The following ANKRD55 variants were observed in gnomAD, a reference collection of about 807,000 sequenced individuals.
ANKRD55 encodes ankyrin repeat domain-containing protein 55.
In ANKRD55, 41 loss-of-function variants were observed where a neutral mutation model predicts 60.6. That is an observed-to-expected ratio of 0.68 (90% CI 0.53 to 0.88). The LOEUF (loss-of-function observed/expected upper bound fraction) is 0.88, where lower values mean the gene tolerates loss of function less well. Ranked by LOEUF, ANKRD55 falls within the 40% of genes least tolerant of loss-of-function variation. ANKRD55 has a pLI of 0.00. For missense variants in ANKRD55, 732 were observed against 767.6 expected, an observed-to-expected ratio of 0.95 and a Z score of 0.55; for synonymous variants, 264 against 290.3, an observed-to-expected ratio of 0.91 and a Z score of 0.92.
intron 8 of ANKRD55, among the ~76,000 whole-genome samples, chr5:56,120,848 A>G (rs903968653): frequency 3.3e-5 from 5 of 151,486 alleles, no homozygotes; most frequent in Non-Finnish European, 5.9e-5. Flanking sequence ...GCAGTGAGCC[A>G]AGATCGCGCC....
chr5:56,159,291 A>T (rs921621030), intron 6 of ANKRD55, among the ~76,000 whole-genome samples: 2 of 152,174 alleles, frequency 1.3e-5, no homozygotes, highest in Non-Finnish European at 2.9e-5. Flanking sequence ...GAGAAACCCC[A>T]TCTCTACTAA....
At chr5:56,227,507 A>G (rs1471781563) in intron 2 of ANKRD55, among the ~76,000 whole-genome samples, 10 of 152,146 alleles carry the variant, frequency 6.6e-5, no homozygotes, top group Non-Finnish European at 7.4e-5. Context: ...AAAACAAACA[A>G]AAAAACCCCT....
chr5:56,101,298 G>T (rs1268486995), intron 11 of ANKRD55, among the ~76,000 whole-genome samples: 1 of 152,072 alleles, frequency 6.6e-6, no homozygotes, highest in African/African-American at 2.4e-5. Flanking sequence ...TATTGTTATG[G>T]ACGGTGAGGA....
intron 2 of ANKRD55, among the ~76,000 whole-genome samples, chr5:56,198,654 A>G (rs1581016028): frequency 6.6e-6 from 1 of 152,338 alleles, no homozygotes; most frequent in Admixed American, 6.5e-5. Flanking sequence ...AAAAACAAAA[A>G]AAACCAAAAC....
At chr5:56,135,268 C>T (rs60728986) in intron 7 of ANKRD55, among the ~76,000 whole-genome samples, 11,669 of 100,862 alleles carry the variant, frequency 0.12, 949 homozygotes, top group Middle Eastern at 0.17. Flanking sequence ...CCTTCTTTCC[C>T]TCCCTCCCTC....
At chr5:56,203,038 C>T (rs1332911716) in intron 2 of ANKRD55, among the ~76,000 whole-genome samples, 27 of 152,124 alleles carry the variant, frequency 1.8e-4, no homozygotes, top group Admixed American at 1.7e-3. Context: ...AGGCAATATA[C>T]ACATTTACTG....
intron 10 of ANKRD55, among the ~76,000 whole-genome samples, chr5:56,108,801 G>T (rs1227042732): frequency 2.6e-5 from 4 of 152,208 alleles, no homozygotes; most frequent in Non-Finnish European, 4.4e-5. Flanking sequence ...CATTTTGGGA[G>T]GCCGAGGCGG....
intron 2 of ANKRD55, among the ~76,000 whole-genome samples, chr5:56,223,982 C>A (rs184666093): frequency 1.0e-3 from 155 of 152,238 alleles, no homozygotes; most frequent in Non-Finnish European, 1.9e-3. Context: ...CTGCACCAAG[C>A]GGACCTAATA....
At position 56,111,583 on chromosome 5, in the gene ANKRD55, C is replaced by T. The variant is rs1366637605; in HGVS notation, c.1165G>A (p.Val389Met). ...NDIITTFDSIVGTNCQEQPGD... is the reference protein window; with the variant it reads ...NDIITTFDSIMGTNCQEQPGD... ...GGCTGTTCTTGGCAGTTGGTACCCA[C>T]GATGCTATCAAAGGTGGTGATGATG... is the stretch of plus-strand genomic sequence containing the variant. Residue 389 changes from valine to methionine, a missense_variant, in exon 10 of 12, where the codon GTG becomes ATG. Val to Met is a conservative substitution (Grantham distance 21). Around this residue, in one of 3 missense-constraint regions of ANKRD55, gnomAD observed 597 missense variants for 607.5 expected, o/e 0.98. Transcript: ENST00000341048. The T allele has an allele frequency of 1.2e-5, 19 of 1,606,952 alleles. No homozygotes were observed. The highest frequency in any genetic ancestry group is 1.5e-5 in the Non-Finnish European group (18 of 1,176,940).
chr5:56,125,698 G>C (rs1757227337), intron 8 of ANKRD55: 1 of 152,112 alleles, frequency 6.6e-6, no homozygotes. Context: ...AGAATTTCAG[G>C]TATTAATAGA....
chr5:56,100,036 G>A lies in ANKRD55; in HGVS notation c.*147C>T, dbSNP rs1329610112. The A allele has an allele frequency of 9.6e-7, 1 of 1,039,652 alleles. No individual in the cohort carries two copies. The highest frequency in any genetic ancestry group is 2.4e-5 in the East Asian group (1 of 41,354). The allele number at this position is 1,039,652 out of a possible 1,614,324, so 64.4% of individuals were successfully genotyped here. ...GCTTATTTAGGGAGTATCTTTATTT[G>A]GAATAAAGAATTTCGAGTTATAAAA... is the stretch of plus-strand genomic sequence containing the variant. On this transcript the variant is annotated 3_prime_UTR_variant, in exon 12 of 12. Coordinates refer to ENST00000341048, the MANE Select transcript of ANKRD55 (RefSeq NM_024669.3).
At chr5:56,165,736 C>G (rs1213991310) in intron 5 of ANKRD55, among the ~76,000 whole-genome samples, 1 of 152,088 alleles carries the variant, frequency 6.6e-6, no homozygotes, top group African/African-American at 2.4e-5. Flanking sequence ...TCGAGACCAG[C>G]CTGACCAACA....
At chr5:56,151,824 A>AAT (rs1758054326) in intron 6 of ANKRD55, among the ~76,000 whole-genome samples, 3 of 53,830 alleles carry the variant, frequency 5.6e-5, no homozygotes, top group South Asian at 4.9e-4. Flanking sequence ...GAAAAAAAAA[A>AAT]ATCTATATAT....
At chr5:56,130,898 G>A (rs1757390962) in intron 7 of ANKRD55, among the ~76,000 whole-genome samples, 1 of 152,154 alleles carries the variant, frequency 6.6e-6, no homozygotes, top group South Asian at 2.1e-4. Flanking sequence ...AAGAGTCTCT[G>A]CGCTTGAGAA....
intron 7 of ANKRD55, among the ~76,000 whole-genome samples, chr5:56,138,230 C>T (rs376795197): frequency 1.3e-5 from 2 of 148,748 alleles, no homozygotes; most frequent in South Asian, 2.2e-4. Flanking sequence ...CAGGTTCAAA[C>T]GATTCTCCTG....
intron 3 of ANKRD55, among the ~76,000 whole-genome samples, chr5:56,182,381 T>A (rs1202809405): frequency 6.6e-6 from 1 of 152,246 alleles, no homozygotes; most frequent in Non-Finnish European, 1.5e-5. Context: ...GCTTATTCAC[T>A]GAGTTTTACC....
At chr5:56,171,509 C>T (rs567260193) in intron 4 of ANKRD55, among the ~76,000 whole-genome samples, 1 of 152,298 alleles carries the variant, frequency 6.6e-6, no homozygotes, top group Non-Finnish European at 1.5e-5. Context: ...TTTCAAAGGG[C>T]AGGTATAACT....
chr5:56,108,545 C>G (rs925677670), intron 10 of ANKRD55, among the ~76,000 whole-genome samples: 1 of 152,174 alleles, frequency 6.6e-6, no homozygotes, highest in Non-Finnish European at 1.5e-5. Flanking sequence ...CATCAGGAAA[C>G]AGCCTTAATG....
intron 6 of ANKRD55, among the ~76,000 whole-genome samples, 183 bp from the exon 7 acceptor site, chr5:56,144,112 C>T (rs539187145): frequency 6.6e-6 from 1 of 152,264 alleles, no homozygotes; most frequent in South Asian, 2.1e-4. Flanking sequence ...CTGCTTTGTG[C>T]CAGGCAAGCA....
Sources: allele counts gnomAD v4.1 joint callset (sites outside exome capture counted in the v4.1 genomes callset), GRCh38; gene constraint gnomAD v4.1.1; regional missense constraint gnomAD v4.1.1; transcripts MANE v1.5; gene names NCBI Gene and HGNC (gene_info 2026-07-23, HGNC 2026-07-21).